The following FOXP2 variants were observed in gnomAD, a reference collection of about 807,000 sequenced individuals.
FOXP2 encodes the protein forkhead box P2.
A neutral mutation model predicts 115.8 loss-of-function variants in FOXP2; 12 were observed. The ratio of observed to expected loss-of-function variants is 0.10; its 90% confidence interval spans 0.07 to 0.17. The LOEUF is 0.17. Ranked by LOEUF, FOXP2 falls within the 10% of genes least tolerant of loss-of-function variation. FOXP2 has a pLI of 1.00. For synonymous variants in FOXP2, 328 were observed against 297.7 expected, an observed-to-expected ratio of 1.10 and a Z score of -1.05; for missense variants, 629 against 843.5, an observed-to-expected ratio of 0.75 and a Z score of 3.15.
rs564963882 is a variant in FOXP2 at position 114,390,486 on chromosome 7, A to G, written c.-10-36016A>G. ...TGACTTACAGGCCAAATCCACGTAC[A>G]TGTTTTGTTTGGCACCATACTTTTG... On this transcript the variant is annotated intron_variant, in intron 2 of 17. Transcript: ENST00000634411. Among the ~76,000 whole-genome samples the G allele has an allele frequency of 2.0e-4, 30 of 150,468 alleles. No homozygotes were observed. In the Middle Eastern group the frequency reaches 0.014, roughly 69 times the overall value.
chr7:114,128,598 G>A (rs186948128), intron 1 of FOXP2, among the ~76,000 whole-genome samples: 2 of 151,688 alleles, frequency 1.3e-5, no homozygotes, highest in African/African-American at 4.8e-5. Context: ...ACTAGTCTGG[G>A]ATCAAAACGC....
intron 3 of FOXP2, among the ~76,000 whole-genome samples, chr7:114,568,182 G>A (rs969962711): frequency 4.6e-5 from 7 of 151,762 alleles, no homozygotes; most frequent in African/African-American, 1.7e-4. Flanking sequence ...CAGTGTCGGT[G>A]GCAGTTCTGT....
intron 3 of FOXP2, among the ~76,000 whole-genome samples, chr7:114,625,954 G>A (rs1804551015): frequency 6.6e-6 from 1 of 151,622 alleles, no homozygotes; most frequent in African/African-American, 2.4e-5. Context: ...GTTCAATCAT[G>A]TATGTGTTAA....
intron 8 of FOXP2, chr7:114,645,129 A>AAT (rs60674425): frequency 0.014 from 443 of 32,614 alleles, 8 homozygotes; most frequent in Non-Finnish European, 0.018. Flanking sequence ...GAGTCATCCT[A>AAT]ATATATATAT....
At chr7:114,552,715 CAT>C (rs1452382319) in intron 3 of FOXP2, among the ~76,000 whole-genome samples, 1 of 152,150 alleles carries the variant, frequency 6.6e-6, no homozygotes, top group Non-Finnish European at 1.5e-5. Context: ...TTATGTTCCA[CAT>C]ACCCCTATGA....
At chr7:114,452,761 T>C (rs1371033827) in intron 2 of FOXP2, among the ~76,000 whole-genome samples, 1 of 152,100 alleles carries the variant, frequency 6.6e-6, no homozygotes. Context: ...ATGAATATAC[T>C]GAATATGGGG....
rs987933842 is a variant in FOXP2 at position 114,692,837 on chromosome 7, T to C, written c.*2911T>C. On this transcript the variant is annotated 3_prime_UTR_variant, in exon 17 of 17. Transcript: ENST00000350908. ...AATATACCTGTTTTATTTATCTTTT[T>C]TGAGGTAAACTAATTTTTGATACTT... 4.4e-6 allele frequency: 2 copies of C among 450,642 alleles called. No individual in the cohort carries two copies. Among genetic ancestry groups the C allele is most frequent in the African/African-American group, 4.0e-5 (2 of 49,778 alleles). The allele number at this position is 450,642 out of a possible 1,614,324, so 27.9% of individuals were successfully genotyped here. A position where few individuals can be genotyped will look rare whatever the true frequency, so the allele number is the denominator to read the frequency against.
chr7:114,308,371 G>C (rs1219783601), intron 2 of FOXP2, among the ~76,000 whole-genome samples: 1 of 152,058 alleles, frequency 6.6e-6, no homozygotes, highest in African/African-American at 2.4e-5. Flanking sequence ...GAACTCCCTA[G>C]GTCTCCTCGT....
At chr7:114,446,219 C>G (rs1020389603) in intron 2 of FOXP2, among the ~76,000 whole-genome samples, 1 of 151,950 alleles carries the variant, frequency 6.6e-6, no homozygotes, top group Non-Finnish European at 1.5e-5. Flanking sequence ...AAAGTCCCTG[C>G]AAAGCAAGTT....
chr7:114,509,622 TG>T (rs1179144484), intron 2 of FOXP2, among the ~76,000 whole-genome samples: 1 of 147,922 alleles, frequency 6.8e-6, no homozygotes, highest in African/African-American at 2.5e-5. Context: ...ATTAGTGAAT[TG>T]AAAAAGAGCA....
chr7:114,646,459 A>G (rs538474571), intron 8 of FOXP2, among the ~76,000 whole-genome samples: 1 of 152,146 alleles, frequency 6.6e-6, no homozygotes, highest in South Asian at 2.1e-4. Flanking sequence ...GTCTTCTTTC[A>G]TATTCATGCC....
chr7:114,196,622 TTAA>T (rs1158226897), intron 1 of FOXP2, among the ~76,000 whole-genome samples: 1 of 152,166 alleles, frequency 6.6e-6, no homozygotes, highest in Non-Finnish European at 1.5e-5. Context: ...TGTCAGTCAT[TTAA>T]GAGTATGGTT....
chr7:114,229,558 A>G (rs535564121), intron 1 of FOXP2, among the ~76,000 whole-genome samples: 11 of 151,884 alleles, frequency 7.2e-5, no homozygotes, highest in African/African-American at 2.4e-4. Flanking sequence ...TTTTCTGACC[A>G]TTTCATTATG....
At chr7:114,093,174 T>G (rs759178377) in intron 1 of FOXP2, among the ~76,000 whole-genome samples, 1 of 152,168 alleles carries the variant, frequency 6.6e-6, no homozygotes, top group Non-Finnish European at 1.5e-5. Flanking sequence ...TGTGGACATA[T>G]AAACCTCCTT....
chr7:114,500,088 GCCTTGTAGTC>G (rs1285631265), intron 2 of FOXP2, among the ~76,000 whole-genome samples: 21 of 151,808 alleles, frequency 1.4e-4, no homozygotes, highest in Admixed American at 1.3e-3. Context: ...GGTGGCGGGC[GCCTTGTAGTC>G]CCAGCTACTT....
At chr7:114,370,640 A>G (rs1283084609) in intron 2 of FOXP2, among the ~76,000 whole-genome samples, 1 of 152,224 alleles carries the variant, frequency 6.6e-6, no homozygotes, top group African/African-American at 2.4e-5. Context: ...GGAAGCTCAA[A>G]TTCAGAAACT....
At chr7:114,663,705 G>C (rs977977553) in intron 15 of FOXP2, among the ~76,000 whole-genome samples, 186 bp downstream of exon 15, 3 of 152,010 alleles carry the variant, frequency 2.0e-5, no homozygotes, top group African/African-American at 4.8e-5. Flanking sequence ...GAAGAAGCAA[G>C]AAGGACACCC....
intron 1 of FOXP2, among the ~76,000 whole-genome samples, chr7:114,108,720 T>C (rs1345913144): frequency 6.6e-6 from 1 of 151,964 alleles, no homozygotes; most frequent in Non-Finnish European, 1.5e-5. Flanking sequence ...GCATCATACA[T>C]TTATCTATTG....
At chr7:114,565,900 T>C (rs1299737808) in intron 3 of FOXP2, among the ~76,000 whole-genome samples, 1 of 152,210 alleles carries the variant, frequency 6.6e-6, no homozygotes, top group Admixed American at 6.6e-5. Flanking sequence ...TCCACTTGTC[T>C]TGTGGAATAC....
Sources: allele counts gnomAD v4.1 joint callset (sites outside exome capture counted in the v4.1 genomes callset), GRCh38; gene constraint gnomAD v4.1.1; transcripts MANE v1.5; gene names NCBI Gene and HGNC (gene_info 2026-07-23, HGNC 2026-07-21).